Variants in OCIAD2 observed in about 807,000 individuals in gnomAD.
The protein encoded by OCIAD2 is OCIA domain-containing protein 2.
In OCIAD2, 29 loss-of-function variants were observed where a neutral mutation model predicts 22.9. The ratio of observed to expected loss-of-function variants is 1.27; its 90% CI spans 0.94 to 1.73. The LOEUF is 1.73. Ranked by LOEUF, OCIAD2 falls within the 40% of genes most tolerant of loss-of-function variation. The pLI, the probability that OCIAD2 is intolerant of heterozygous loss-of-function variation, is 0.00. For missense variants in OCIAD2, 189 were observed against 180.3 expected (o/e 1.05, Z -0.28); for synonymous variants, 67 against 60.2 (o/e 1.11, Z -0.52).
intron 6 of OCIAD2, among the ~76,000 whole-genome samples, chr4:48,890,211 A>G (rs1178983745): frequency 6.6e-6 from 1 of 152,106 alleles, no homozygotes; most frequent in Non-Finnish European, 1.5e-5. Context: ...CATATGTAAC[A>G]AACCTGCAAT....
chr4:48,894,257 G>A (rs1453222455), intron 4 of OCIAD2, among the ~76,000 whole-genome samples: 3 of 152,018 alleles, frequency 2.0e-5, no homozygotes, highest in East Asian at 1.9e-4. Flanking sequence ...TTTGGAGGCC[G>A]AGGCGGGCAG....
At chr4:48,890,759 A>G (rs1781147022) in intron 6 of OCIAD2, among the ~76,000 whole-genome samples, 1 of 152,218 alleles carries the variant, frequency 6.6e-6, no homozygotes, top group Non-Finnish European at 1.5e-5. Flanking sequence ...AACTTTGTTT[A>G]TGCAGGACAG....
intron 5 of OCIAD2, chr4:48,893,415 C>T (rs1309518702): frequency 6.6e-6 from 1 of 152,260 alleles, no homozygotes; most frequent in African/African-American, 2.4e-5. Context: ...CCTTTTTGTA[C>T]ATAAAAGATC....
intron 2 of OCIAD2, among the ~76,000 whole-genome samples, chr4:48,902,731 T>A (rs1418857803): frequency 6.6e-6 from 1 of 152,128 alleles, no homozygotes; most frequent in Non-Finnish European, 1.5e-5. Flanking sequence ...GGCGGGCAGA[T>A]CACTTGAGGT....
intron 6 of OCIAD2, among the ~76,000 whole-genome samples, chr4:48,892,395 A>G (rs1010641187): frequency 1.3e-5 from 2 of 152,154 alleles, no homozygotes; most frequent in African/African-American, 4.8e-5. Context: ...TATTTCCCCT[A>G]TTTAGAATCA....
chr4:48,893,880 C>T (rs1781238397), intron 5 of OCIAD2, 126 bp downstream of exon 5: 1 of 429,780 alleles, frequency 2.3e-6, no homozygotes, highest in Admixed American at 3.7e-5. Flanking sequence ...CAAGGTTTCA[C>T]CATGCTGCCC....
chr4:48,899,221 T>C (rs1487750046), intron 3 of OCIAD2, among the ~76,000 whole-genome samples: 1 of 152,216 alleles, frequency 6.6e-6, no homozygotes, highest in East Asian at 1.9e-4. Context: ...CATTTTCAAA[T>C]GCTATATCAC....
rs562306092 is a variant in OCIAD2 at position 48,896,250 on chromosome 4, G to A, written c.217+1554C>T. Among the ~76,000 whole-genome samples the A allele has an allele frequency of 5.9e-5, 9 of 152,098 alleles. No individual in the cohort carries two copies. In the East Asian group the frequency reaches 1.7e-3, roughly 29 times the overall value. On this transcript the variant is annotated intron_variant, in intron 4 of 6. Transcript: ENST00000508632. ...GTTTTTGAGACCCAGAAAAGAACTAGGACTTCTTCCCTCATATTTACTGGT... is the reference window on the plus strand; with the variant it reads ...GTTTTTGAGACCCAGAAAAGAACTAAGACTTCTTCCCTCATATTTACTGGT...
At chr4:48,899,358 C>T (rs892256369) in intron 3 of OCIAD2, among the ~76,000 whole-genome samples, 2 of 152,096 alleles carry the variant, frequency 1.3e-5, no homozygotes, top group Admixed American at 6.5e-5. Context: ...ACAGTGTAAG[C>T]GAAGTATTAA....
At chr4:48,900,050 GC>G (rs1468409407) in intron 2 of OCIAD2, 125 bp from the exon 3 acceptor site, 2 of 583,792 alleles carry the variant, frequency 3.4e-6, no homozygotes, top group African/African-American at 1.9e-5. Flanking sequence ...ACCAGAGGCA[GC>G]CCAAAGCAAT....
chr4:48,901,611 A>T (rs1286007974), intron 2 of OCIAD2, among the ~76,000 whole-genome samples: 2 of 152,214 alleles, frequency 1.3e-5, no homozygotes, highest in Non-Finnish European at 2.9e-5. Context: ...CATATTTTTC[A>T]GCTACACTGC....
At chr4:48,890,910 T>TC (rs1781161765) in intron 6 of OCIAD2, among the ~76,000 whole-genome samples, 1 of 152,052 alleles carries the variant, frequency 6.6e-6, no homozygotes, top group Non-Finnish European at 1.5e-5. Flanking sequence ...CTCACTTATT[T>TC]CCCCCCATTG....
rs1032353261 is a variant in OCIAD2, at chr4:48,890,920, G to T, written c.383+1852C>A. ...TTTCTCTCACTTATTTCCCCCCATT[G>T]CTTTGAGAATAAAGTGAAAATCCTT... On this transcript the variant is annotated intron_variant, in intron 6 of 6. Transcript: ENST00000508632. Among the ~76,000 whole-genome samples, 43 of 152,150 alleles carry T rather than the reference G, an allele frequency of 2.8e-4. 1 individual carries two copies. Among genetic ancestry groups the T allele is most frequent in the Admixed American group, 1.0e-3 (16 of 15,270 alleles).
At chr4:48,894,189 C>G in intron 4 of OCIAD2, 136 bp from the exon 5 acceptor site, 1 of 392,198 alleles carries the variant, frequency 2.5e-6, no homozygotes, top group Non-Finnish European at 4.3e-6. Context: ...TATACATATT[C>G]TGACTTTAAA....
At chr4:48,892,965 C>A in intron 5 of OCIAD2, 76 bp from the exon 6 acceptor site, 1 of 699,260 alleles carries the variant, frequency 1.4e-6, no homozygotes, top group South Asian at 2.0e-5. Context: ...AAAATCAACG[C>A]TGGTAATTTT....
At chr4:48,904,441 C>G (rs1306454788) in intron 2 of OCIAD2, 43 bp downstream of exon 2, 2 of 1,539,274 alleles carry the variant, frequency 1.3e-6, no homozygotes, top group Non-Finnish European at 1.8e-6. Flanking sequence ...AGTGTGAGAT[C>G]GTGTCTCAAT....
chr4:48,903,541 A>G (rs1483668934), intron 2 of OCIAD2, among the ~76,000 whole-genome samples: 2 of 151,742 alleles, frequency 1.3e-5, no homozygotes, highest in South Asian at 2.1e-4. Context: ...GTCTATTAAG[A>G]GTTTTGCTCT....
Position 48,888,838 on chromosome 4 carries a change from G to A in OCIAD2, c.384-3273C>T, listed in dbSNP as rs1781074697. The stretch of plus-strand genomic sequence containing the variant: ...CTGTGCCAGGCTTTGGTATCAAGAT[G>A]ATGTTGGCCTCATAAAATGAGTTAG... On this transcript the variant is annotated intron_variant, in intron 6 of 6. Coordinates refer to ENST00000508632, the MANE Select transcript of OCIAD2 (RefSeq NM_001014446.3). Among the ~76,000 whole-genome samples the A allele has an allele frequency of 3.3e-5, 5 of 152,288 alleles. No individual in the cohort carries two copies. The South Asian group carries it at 1.0e-3, about 32-fold the overall frequency.
At chr4:48,889,601 A>G (rs1038778476) in intron 6 of OCIAD2, among the ~76,000 whole-genome samples, 2 of 152,216 alleles carry the variant, frequency 1.3e-5, no homozygotes, top group Non-Finnish European at 1.5e-5. Flanking sequence ...AAAAATCAGG[A>G]AACAACAGGT....
Sources: gnomAD v4.1 joint callset for allele counts (sites outside exome capture counted in the v4.1 genomes callset) on GRCh38, gnomAD v4.1.1 for gene constraint, MANE v1.5 for transcripts, NCBI Gene and HGNC (gene_info 2026-07-23, HGNC 2026-07-21) for gene names.